Variants in PTGER3 observed in about 807,000 individuals in gnomAD.
PTGER3 encodes prostaglandin E receptor 3.
PTGER3 carries 22 observed loss-of-function variants against 34.7 expected under a neutral mutation model. That is an observed-to-expected ratio of 0.63 (90% CI 0.45 to 0.91). PTGER3 has a LOEUF of 0.91. Among genes scored for constraint, PTGER3 ranks in the 40% least tolerant of loss-of-function variants. The pLI, the probability that PTGER3 is intolerant of heterozygous loss-of-function variation, is 0.00. For synonymous variants in PTGER3, 241 were observed against 230.1 expected (o/e 1.05, Z -0.43); for missense variants, 468 against 519.4 (o/e 0.90, Z 0.96).
Position 70,978,784 on chromosome 1 carries a change from A to G in PTGER3, c.1078-4396T>C, listed in dbSNP as rs373217707. Among the ~76,000 whole-genome samples, 2 of 152,092 alleles carry G rather than the reference A, an allele frequency of 1.3e-5. 1 individual carries two copies. The highest frequency in any genetic ancestry group is 3.9e-4 in the East Asian group (2 of 5,194). On this transcript the variant is annotated intron_variant, in intron 2 of 3. Transcript: ENST00000306666. ...AGGCACCATGCCAGCTGCCACCAAG[A>G]GGGTAGTGATCCCTGTGGGCATAAA...
chr1:71,021,125 G>T (rs1658380197), intron 1 of PTGER3, among the ~76,000 whole-genome samples: 1 of 152,060 alleles, frequency 6.6e-6, no homozygotes, highest in African/African-American at 2.4e-5. Flanking sequence ...TATATTGCTT[G>T]AATTTCTTGC....
chr1:70,909,661 A>G (rs1386342549), intron 4 of PTGER3, among the ~76,000 whole-genome samples: 1 of 152,190 alleles, frequency 6.6e-6, no homozygotes, highest in African/African-American at 2.4e-5. Flanking sequence ...AGGTTGAGAT[A>G]AGATAATTTG....
intron 4 of PTGER3, among the ~76,000 whole-genome samples, chr1:70,926,137 C>T (rs1648060248): frequency 6.6e-6 from 1 of 152,162 alleles, no homozygotes; most frequent in African/African-American, 2.4e-5. Flanking sequence ...TCTGACCCAA[C>T]ATAGTGGTTG....
chr1:70,865,882 C>T (rs1282543110), intron 4 of PTGER3: 1 of 1,179,748 alleles, frequency 8.5e-7, no homozygotes, highest in Admixed American at 2.2e-5. Flanking sequence ...GGAAGACACT[C>T]ATCTAGAGCC....
intron 2 of PTGER3, among the ~76,000 whole-genome samples, chr1:70,954,672 C>T (rs908872080): frequency 2.0e-5 from 3 of 151,996 alleles, no homozygotes; most frequent in East Asian, 1.9e-4. Flanking sequence ...CCTTTTTTCC[C>T]CTTTCACTAT....
intron 4 of PTGER3, among the ~76,000 whole-genome samples, chr1:70,922,010 T>C (rs1469708008): frequency 6.6e-6 from 1 of 152,180 alleles, no homozygotes; most frequent in Non-Finnish European, 1.5e-5. Context: ...AAGGACAATT[T>C]TGTTGGTAAA....
intron 4 of PTGER3, among the ~76,000 whole-genome samples, chr1:70,894,541 G>A (rs11209708): frequency 0.92 from 140,367 of 152,216 alleles, 64,861 homozygotes; most frequent in East Asian, 1. Context: ...ACTCTTGCTG[G>A]AGGCAAACTC....
chr1:71,020,090 G>T (rs527840711), intron 1 of PTGER3, among the ~76,000 whole-genome samples: 1 of 152,204 alleles, frequency 6.6e-6, no homozygotes, highest in South Asian at 2.1e-4. Context: ...GTAATTTGAA[G>T]GATTTGCATG....
chr1:70,996,514 T>C (rs1418140733), intron 2 of PTGER3, among the ~76,000 whole-genome samples: 4 of 152,002 alleles, frequency 2.6e-5, no homozygotes, highest in Non-Finnish European at 5.9e-5. Flanking sequence ...TCACCCAGGC[T>C]GAAGTGCAGT....
At chr1:70,948,944 C>G (rs1036066332), downstream of PTGER3, among the ~76,000 whole-genome samples, 2 of 152,072 alleles carry the variant, frequency 1.3e-5, no homozygotes, top group African/African-American at 4.8e-5. Context: ...AATTAGAGCA[C>G]GCTTCTCAAA....
At chr1:71,005,162 T>C (rs1369670485) in intron 2 of PTGER3, among the ~76,000 whole-genome samples, 1 of 152,158 alleles carries the variant, frequency 6.6e-6, no homozygotes, top group Non-Finnish European at 1.5e-5. Flanking sequence ...AGGACAGCCC[T>C]CACAACAAAG....
At chr1:71,019,668 C>A (rs1658228100) in intron 1 of PTGER3, among the ~76,000 whole-genome samples, 1 of 152,104 alleles carries the variant, frequency 6.6e-6, no homozygotes, top group South Asian at 2.1e-4. Context: ...ATATTCTATC[C>A]TTGGATTTTA....
At position 70,995,573 on chromosome 1, in the gene PTGER3, TA is replaced by T. The variant is rs1372523881; in HGVS notation, c.1077+16731del. On this transcript the variant is annotated intron_variant, in intron 2 of 3. Transcript: ENST00000306666. ...ACTACACCTAGTCTTAGTCTTTCTT[TA>T]AAAAAATTTTAGAATTATTTTAATT... Among the ~76,000 whole-genome samples the T allele has an allele frequency of 3.3e-5, 5 of 152,274 alleles. No individual in the cohort carries two copies. The East Asian group carries it at 5.8e-4, about 18-fold the overall frequency.
intron 1 of PTGER3, among the ~76,000 whole-genome samples, chr1:71,014,328 T>C (rs1657702353): frequency 6.6e-6 from 1 of 152,182 alleles, no homozygotes; most frequent in Non-Finnish European, 1.5e-5. Context: ...GGATCAACAT[T>C]TCAGAGTCTG....
chr1:70,973,748 A>G (rs1399084387), intron 3 of PTGER3, among the ~76,000 whole-genome samples: 3 of 152,226 alleles, frequency 2.0e-5, no homozygotes, highest in Non-Finnish European at 2.9e-5. Flanking sequence ...TCAATTAGCC[A>G]TTAATAGAAA....
At chr1:70,947,970 C>T (rs1472685828), downstream of PTGER3, among the ~76,000 whole-genome samples, 1 of 152,070 alleles carries the variant, frequency 6.6e-6, no homozygotes, top group Non-Finnish European at 1.5e-5. Context: ...GTAATCAAAA[C>T]ATAATTAAGT....
intron 4 of PTGER3, among the ~76,000 whole-genome samples, chr1:70,912,335 G>A (rs1647078546): frequency 6.6e-6 from 1 of 151,920 alleles, no homozygotes; most frequent in Admixed American, 6.6e-5. Flanking sequence ...GAAAAAAACT[G>A]TAACATAATC....
chr1:70,887,820 G>C (rs1416594247), intron 4 of PTGER3, among the ~76,000 whole-genome samples: 2 of 151,994 alleles, frequency 1.3e-5, no homozygotes, highest in Non-Finnish European at 2.9e-5. Flanking sequence ...CTCATATTAA[G>C]ACCCAAACTG....
chr1:70,907,380 C>G (rs899273850), intron 4 of PTGER3, among the ~76,000 whole-genome samples: 2 of 152,182 alleles, frequency 1.3e-5, no homozygotes, highest in Non-Finnish European at 2.9e-5. Context: ...CTGTTAGTGT[C>G]ATAGGTAACA....
Sources: gnomAD v4.1 joint callset for allele counts (sites outside exome capture counted in the v4.1 genomes callset) on GRCh38, gnomAD v4.1.1 for gene constraint, MANE v1.5 for transcripts, NCBI Gene and HGNC (gene_info 2026-07-23, HGNC 2026-07-21) for gene names.